OXR1: variants seen among roughly 807,000 people sequenced by gnomAD.
The protein encoded by OXR1 is oxidation resistance 1.
Under a neutral mutation model 104.6 loss-of-function variants are expected in OXR1, and 41 were observed. The observed-to-expected ratio is 0.39, with a 90% confidence interval of 0.31 to 0.51. OXR1 has a LOEUF of 0.51. Among genes scored for constraint, OXR1 ranks in the 20% least tolerant of loss-of-function variants. OXR1 has a pLI of 0.77. For missense variants in OXR1, 955 were observed against 1,031.9 expected, an observed-to-expected ratio of 0.93 and a Z score of 1.02; for synonymous variants, 348 against 348.4, an observed-to-expected ratio of 1.00 and a Z score of 0.01.
chr8:106,631,768 T>C lies in OXR1; in HGVS notation c.221-47442T>C, dbSNP rs151094344. ...ATCAGCCTACTAAGAAAGATTTGAT[T>C]CTAATAAGGTCATACAGATGTTCAG... On this transcript the variant is annotated intron_variant, in intron 3 of 16. Transcript: ENST00000517566. Among the ~76,000 whole-genome samples the C allele has an allele frequency of 3.2e-4, 48 of 152,300 alleles. No homozygotes were observed. In the East Asian group the frequency reaches 7.5e-3, roughly 24 times the overall value.
At chr8:106,426,117 A>G (rs937427835) in intron 2 of OXR1, among the ~76,000 whole-genome samples, 3 of 152,172 alleles carry the variant, frequency 2.0e-5, no homozygotes, top group African/African-American at 7.2e-5. Context: ...CTTACTGTCT[A>G]TGTGACCATC....
chr8:106,531,128 A>G (rs1814065534), intron 3 of OXR1, among the ~76,000 whole-genome samples: 2 of 152,220 alleles, frequency 1.3e-5, no homozygotes, highest in South Asian at 4.1e-4. Context: ...TGACCAACAA[A>G]TCTTAGCATT....
intron 2 of OXR1, among the ~76,000 whole-genome samples, chr8:106,503,115 A>C (rs1392947312): frequency 2.0e-5 from 3 of 152,082 alleles, no homozygotes; most frequent in African/African-American, 7.2e-5. Flanking sequence ...TAATCCTTCA[A>C]TGAATATGTA....
At chr8:106,730,765 T>C (rs1245682547) in intron 11 of OXR1, among the ~76,000 whole-genome samples, 1 of 152,004 alleles carries the variant, frequency 6.6e-6, no homozygotes, top group African/African-American at 2.4e-5. Flanking sequence ...TATCCTATGT[T>C]AAGGGTGTGT....
chr8:106,525,423 G>A lies in OXR1; in HGVS notation c.220+6284G>A, dbSNP rs1030277981. On this transcript the variant is annotated intron_variant, in intron 3 of 16. Transcript: ENST00000517566. ...AGCAAAGGCTCTTAAACACCACAAC[G>A]TGCTATCTGTTTACCCCTCACCATA... is the stretch of plus-strand genomic sequence containing the variant. 3.9e-5 allele frequency among the ~76,000 whole-genome samples: 6 copies of A among 152,160 alleles called. No homozygotes were observed. In the East Asian group the frequency reaches 9.6e-4, roughly 24 times the overall value.
intron 2 of OXR1, among the ~76,000 whole-genome samples, chr8:106,475,224 A>G (rs1373767214): frequency 6.6e-6 from 1 of 152,000 alleles, no homozygotes; most frequent in Admixed American, 6.6e-5. Context: ...TACTTATAAC[A>G]TAAATAGTCC....
At chr8:106,406,323 T>C (rs928214487) in intron 2 of OXR1, among the ~76,000 whole-genome samples, 4 of 152,218 alleles carry the variant, frequency 2.6e-5, no homozygotes, top group African/African-American at 9.6e-5. Context: ...AAAATTAAGA[T>C]GTAATACCCA....
intron 1 of OXR1, chr8:106,272,054 T>A (rs1022023242): frequency 6.6e-6 from 1 of 152,162 alleles, no homozygotes; most frequent in African/African-American, 2.4e-5. Flanking sequence ...ATTTAAGGGA[T>A]CTCTGGTGGG....
chr8:106,384,585 G>A (rs549273962), intron 2 of OXR1, among the ~76,000 whole-genome samples: 4 of 152,190 alleles, frequency 2.6e-5, no homozygotes, highest in South Asian at 2.1e-4. Context: ...GGTATATTTC[G>A]AAATCAGGGG....
intron 3 of OXR1, among the ~76,000 whole-genome samples, chr8:106,629,280 A>G (rs1024255502): frequency 4.6e-5 from 7 of 151,996 alleles, no homozygotes; most frequent in African/African-American, 1.7e-4. Context: ...AATATTTTGC[A>G]AACACAGGAA....
At chr8:106,366,549 A>G (rs1816476555) in intron 2 of OXR1, among the ~76,000 whole-genome samples, 2 of 152,232 alleles carry the variant, frequency 1.3e-5, no homozygotes, top group Admixed American at 6.5e-5. Flanking sequence ...AGTGTATAAA[A>G]TTATCAACAT....
intron 1 of OXR1, among the ~76,000 whole-genome samples, chr8:106,350,022 A>G (rs895390342): frequency 2.0e-5 from 3 of 152,188 alleles, no homozygotes; most frequent in African/African-American, 7.2e-5. Flanking sequence ...AGTTGGTGGC[A>G]TTTGTGAATA....
At position 106,354,789 on chromosome 8, in the gene OXR1, G is replaced by GA. The variant is rs1047251385; in HGVS notation, c.-138-4682dup. On this transcript the variant is annotated intron_variant, in intron 1 of 16. Transcript: ENST00000517566. ...TCTAGGTATGTATAGAAGTAGTTTAGAAAAATGTGTCTTTTGCTTAAATAA... is the reference window on the plus strand; with the variant it reads ...TCTAGGTATGTATAGAAGTAGTTTAGAAAAAATGTGTCTTTTGCTTAAATAA... Among the ~76,000 whole-genome samples, 34 of 152,170 alleles carry GA rather than the reference G, an allele frequency of 2.2e-4. 1 individual carries two copies. The highest frequency in any genetic ancestry group is 8.2e-4 in the African/African-American group (34 of 41,544).
chr8:106,749,494 T>G (rs1835695145), intron 16 of OXR1, among the ~76,000 whole-genome samples: 1 of 152,156 alleles, frequency 6.6e-6, no homozygotes, highest in African/African-American at 2.4e-5. Flanking sequence ...CCTAATATGC[T>G]TTTCTTTTTT....
chr8:106,566,808 A>G (rs1392829860), intron 3 of OXR1, among the ~76,000 whole-genome samples: 2 of 152,222 alleles, frequency 1.3e-5, no homozygotes, highest in Non-Finnish European at 2.9e-5. Context: ...CAATGAGTTC[A>G]TGTCCTTTGC....
chr8:106,734,852 G>T (rs931627001), intron 11 of OXR1, among the ~76,000 whole-genome samples: 1 of 152,168 alleles, frequency 6.6e-6, no homozygotes, highest in Admixed American at 6.5e-5. Flanking sequence ...AGTTCCTATA[G>T]ATAGGAGTTA....
chr8:106,728,494 T>C lies in OXR1; in HGVS notation c.1957-9026T>C, dbSNP rs1286984616. 2.6e-5 allele frequency among the ~76,000 whole-genome samples: 4 copies of C among 152,244 alleles called. No individual in the cohort carries two copies. In the East Asian group the frequency reaches 5.8e-4, roughly 22 times the overall value. On this transcript the variant is annotated intron_variant, in intron 11 of 16. Transcript: ENST00000517566. ...CAGATTGTTTTGTTTTATAAGTGAGTTAATTTACATCTCAAATACATTAAT... is the reference window on the plus strand; with the variant it reads ...CAGATTGTTTTGTTTTATAAGTGAGCTAATTTACATCTCAAATACATTAAT...
chr8:106,680,569 C>A (rs1452739107), intron 4 of OXR1, among the ~76,000 whole-genome samples: 2 of 151,992 alleles, frequency 1.3e-5, no homozygotes, highest in Non-Finnish European at 1.5e-5. Context: ...GCTTTGTTGA[C>A]CTTGCTATTA....
intron 2 of OXR1, among the ~76,000 whole-genome samples, chr8:106,384,726 T>A (rs1345179230): frequency 7.6e-6 from 1 of 132,434 alleles, no homozygotes; most frequent in Non-Finnish European, 1.7e-5. Context: ...CTTTTTTTCT[T>A]TTTTCTTTTT....
Sources: gnomAD v4.1 joint callset for allele counts (sites outside exome capture counted in the v4.1 genomes callset) on GRCh38, gnomAD v4.1.1 for gene constraint, MANE v1.5 for transcripts, NCBI Gene and HGNC (gene_info 2026-07-23, HGNC 2026-07-21) for gene names.